TRAK2: variants seen among roughly 807,000 people sequenced by gnomAD.
TRAK2 encodes trafficking kinesin-binding protein 2.
TRAK2 carries 81 observed loss-of-function variants against 104.6 expected under a neutral mutation model. The ratio of observed to expected loss-of-function variants is 0.77; its 90% CI spans 0.65 to 0.93. The LOEUF (loss-of-function observed/expected upper bound fraction) is 0.93, where lower values mean the gene tolerates loss of function less well. TRAK2 is among the 40% of genes least tolerant of loss of function. The pLI is 0.00. For synonymous variants in TRAK2, 406 were observed against 394.4 expected, an observed-to-expected ratio of 1.03 and a Z score of -0.35; for missense variants, 1,002 against 1,089.0, an observed-to-expected ratio of 0.92 and a Z score of 1.12.
intron 12 of TRAK2, among the ~76,000 whole-genome samples, chr2:201,388,624 G>GA (rs1951414280): frequency 6.6e-6 from 1 of 152,112 alleles, no homozygotes; most frequent in Non-Finnish European, 1.5e-5. Context: ...TCTTATAATT[G>GA]ATATCAAATG....
In TRAK2 at chr2:201,381,000, G is replaced by A; in HGVS notation, c.2288C>T (p.Pro763Leu). ...CAGGGATTTAGGGAGAGGCTGGAGG[G>A]GGTTCTCTGAAATTGGGCTGTGGTA... ...KVYHSPISEN[P>L]LQPLPKSLAI... Residue 763 changes from proline (P) to leucine (L), a missense_variant, in exon 16 of 16, where the codon CCC (proline) becomes CTC (leucine). Transcript: ENST00000332624. The A allele has an allele frequency of 1.2e-6, 2 of 1,614,094 alleles. No individual in the cohort carries two copies. Among genetic ancestry groups the A allele is most frequent in the South Asian group, 2.2e-5 (2 of 91,078 alleles).
At chr2:201,414,048 C>A (rs77292590) in intron 2 of TRAK2, among the ~76,000 whole-genome samples, 1,583 of 152,274 alleles carry the variant, frequency 0.01, 12 homozygotes, top group Non-Finnish European at 0.017. Context: ...TTATCACACA[C>A]AACAGTAGTA....
At chr2:201,411,118 T>G in intron 2 of TRAK2, 1 of 913,248 alleles carries the variant, frequency 1.1e-6, no homozygotes, top group East Asian at 2.4e-5. Context: ...GCAGAAGGTT[T>G]AGGGGTACTA....
intron 2 of TRAK2, chr2:201,411,816 G>T (rs1035615323): frequency 2.4e-6 from 2 of 825,164 alleles, no homozygotes; most frequent in Non-Finnish European, 4.3e-6. Context: ...TACAGGAACA[G>T]CAAGGGAAGA....
chr2:201,391,245 T>C (rs1305540883), intron 10 of TRAK2, among the ~76,000 whole-genome samples: 1 of 152,136 alleles, frequency 6.6e-6, no homozygotes, highest in African/African-American at 2.4e-5. Flanking sequence ...CTGAATATCC[T>C]ACATACAGAT....
rs141765369 is a variant in TRAK2 at position 201,401,938 on chromosome 2, TTTTA to T, written c.287-848_287-845del. ...ATAATTCTGTGTTTGACTTAGACTC[TTTTA>T]TTATAACTAGTTTGCCTTGAAGTGT... On this transcript the variant is annotated intron_variant, in intron 3 of 15. Transcript: ENST00000332624. Among the ~76,000 whole-genome samples, 867 of 152,188 alleles carry T rather than the reference TTTTA, an allele frequency of 5.7e-3. 22 individuals are homozygous for T. In the East Asian group the frequency reaches 0.059, roughly 10 times the overall value.
intron 11 of TRAK2, 122 bp downstream of exon 11, chr2:201,389,679 G>A: frequency 9.1e-7 from 1 of 1,095,514 alleles, no homozygotes; most frequent in Non-Finnish European, 1.3e-6. Flanking sequence ...GACACTGTGA[G>A]GAAAACACTG....
chr2:201,411,739 G>A, intron 2 of TRAK2: 1 of 781,448 alleles, frequency 1.3e-6, no homozygotes, highest in African/African-American at 1.7e-5. Context: ...AAGAAGGGTA[G>A]GATACCATCA....
At chr2:201,388,663 T>C (rs1469692190) in intron 12 of TRAK2, among the ~76,000 whole-genome samples, 3 of 152,350 alleles carry the variant, frequency 2.0e-5, no homozygotes, top group Non-Finnish European at 4.4e-5. Flanking sequence ...TTGTGGGTAC[T>C]CTGGGATACT....
At chr2:201,399,261 A>G in intron 5 of TRAK2, 116 bp downstream of exon 5, 2 of 642,026 alleles carry the variant, frequency 3.1e-6, no homozygotes, top group South Asian at 4.2e-5. Flanking sequence ...AACAAAGTGA[A>G]CAAGTACTGG....
At position 201,378,193 on chromosome 2, in the gene TRAK2, C is replaced by T. The variant is rs1030113284; in HGVS notation, c.*2350G>A. ...GGTGTTTCTGGTGGAACATCAACAT[C>T]AATGTACTTAAAAAAAATCTAAGCC... is the stretch of plus-strand genomic sequence containing the variant. On this transcript the variant is annotated 3_prime_UTR_variant, in exon 16 of 16. Coordinates refer to ENST00000332624, the MANE Select transcript of TRAK2 (RefSeq NM_015049.3). 2.6e-5 allele frequency: 4 copies of T among 152,126 alleles called. No homozygotes were observed. Among genetic ancestry groups the T allele is most frequent in the South Asian group, 2.1e-4 (1 of 4,832 alleles). The allele number at this position is 152,126 out of a possible 1,614,324, so 9.4% of individuals were successfully genotyped here.
intron 5 of TRAK2, among the ~76,000 whole-genome samples, chr2:201,398,925 C>A (rs1419790326): frequency 1.3e-5 from 2 of 152,010 alleles, no homozygotes; most frequent in Non-Finnish European, 2.9e-5. Flanking sequence ...TGTAACCATC[C>A]AAGTTAATAA....
At chr2:201,397,429 T>C in intron 7 of TRAK2, 73 bp downstream of exon 7, 1 of 1,022,420 alleles carries the variant, frequency 9.8e-7, no homozygotes, top group South Asian at 1.6e-5. Context: ...ACCAGTGATC[T>C]AACTTCCGAG....
intron 2 of TRAK2, 39 bp from the exon 3 acceptor site, chr2:201,407,636 T>C (rs1218929978): frequency 3.3e-6 from 5 of 1,535,758 alleles, no homozygotes; most frequent in Non-Finnish European, 4.4e-6. Flanking sequence ...CCAATATATT[T>C]CAACTTTTAC....
intron 10 of TRAK2, among the ~76,000 whole-genome samples, chr2:201,390,563 C>CAAAA (rs566298441): frequency 1.1e-5 from 1 of 87,254 alleles, no homozygotes; most frequent in African/African-American, 5.2e-5. Flanking sequence ...GACTCCGTCT[C>CAAAA]AAAAAAAAAA....
chr2:201,397,442 G>A, intron 7 of TRAK2, 60 bp downstream of exon 7: 1 of 1,196,482 alleles, frequency 8.4e-7, no homozygotes. Flanking sequence ...CTTCCGAGGT[G>A]GAGATACCCT....
chr2:201,379,539 G>A lies in TRAK2; in HGVS notation c.*1004C>T, dbSNP rs746287910. The A allele has an allele frequency of 1.3e-5, 2 of 152,434 alleles. No individual in the cohort carries two copies. Among genetic ancestry groups the A allele is most frequent in the South Asian group, 2.1e-4 (1 of 4,828 alleles). 9.4% of individuals were successfully genotyped at this position (152,434 alleles called of 1,614,324 possible). A position where few individuals can be genotyped will look rare whatever the true frequency, so the allele number is the denominator to read the frequency against. On this transcript the variant is annotated 3_prime_UTR_variant, in exon 16 of 16. Transcript: ENST00000332624. The stretch of plus-strand genomic sequence containing the variant: ...TCATCTTTCATTAAAAATATGCATA[G>A]CGCACTTTGGAAAAAGTTGGTTTAG...
Position 201,402,408 on chromosome 2 carries a change from T to C in TRAK2, c.287-1314A>G, listed in dbSNP as rs181226952. On this transcript the variant is annotated intron_variant, in intron 3 of 15. Coordinates refer to ENST00000332624, the MANE Select transcript of TRAK2 (RefSeq NM_015049.3). Reference sequence around the variant, plus strand: ...AGCTTAATTATTAATAATAGCCTTATTCCTAGTTAAAAGTAAAACAAAGTG... The same window carrying C: ...AGCTTAATTATTAATAATAGCCTTACTCCTAGTTAAAAGTAAAACAAAGTG... 1.5e-3 allele frequency among the ~76,000 whole-genome samples: 229 copies of C among 152,196 alleles called. 1 individual carries two copies. The highest frequency in any genetic ancestry group is 5.3e-3 in the African/African-American group (221 of 41,520).
intron 2 of TRAK2, chr2:201,410,874 C>A: frequency 5.0e-6 from 8 of 1,588,614 alleles, no homozygotes; most frequent in Non-Finnish European, 6.9e-6. Context: ...GAGGAACATT[C>A]AAAGCACTGA....
Sources: gnomAD v4.1 joint callset for allele counts (sites outside exome capture counted in the v4.1 genomes callset) on GRCh38, gnomAD v4.1.1 for gene constraint, MANE v1.5 for transcripts, NCBI Gene and HGNC (gene_info 2026-07-23, HGNC 2026-07-21) for gene names.